ST6GALNAC3: variants seen among roughly 807,000 people sequenced by gnomAD.
The protein encoded by ST6GALNAC3 is alpha-N-acetylgalactosaminide alpha-2,6-sialyltransferase 3.
Under a neutral mutation model 32.7 loss-of-function variants are expected in ST6GALNAC3, and 25 were observed. The observed-to-expected ratio is 0.76, with a 90% CI of 0.56 to 1.07. The LOEUF (loss-of-function observed/expected upper bound fraction) is 1.07, where lower values mean the gene tolerates loss of function less well. Ranked by LOEUF, ST6GALNAC3 falls within the 50% of genes least tolerant of loss-of-function variation. The pLI is 0.00. For missense variants in ST6GALNAC3, 355 were observed against 382.4 expected, an observed-to-expected ratio of 0.93 and a Z score of 0.60; for synonymous variants, 129 against 133.1, an observed-to-expected ratio of 0.97 and a Z score of 0.21.
At chr1:76,226,384 A>G (rs1164362571) in intron 1 of ST6GALNAC3, among the ~76,000 whole-genome samples, 1 of 152,182 alleles carries the variant, frequency 6.6e-6, no homozygotes, top group African/African-American at 2.4e-5. Flanking sequence ...GTCTAGTTGG[A>G]GTAACCTGTT....
intron 1 of ST6GALNAC3, among the ~76,000 whole-genome samples, chr1:76,208,035 A>C (rs1654918767): frequency 1.5e-5 from 1 of 64,786 alleles, no homozygotes; most frequent in African/African-American, 4.4e-5. Context: ...GTTCCCACTC[A>C]AGAGTGCCCC....
At chr1:76,581,993 A>G (rs913963034) in intron 3 of ST6GALNAC3, among the ~76,000 whole-genome samples, 3 of 152,110 alleles carry the variant, frequency 2.0e-5, no homozygotes, top group African/African-American at 7.2e-5. Flanking sequence ...TTTTTAGTCA[A>G]TCTATGTTTT....
chr1:76,578,782 G>T (rs1178492911), intron 3 of ST6GALNAC3, among the ~76,000 whole-genome samples: 1 of 152,038 alleles, frequency 6.6e-6, no homozygotes, highest in Admixed American at 6.6e-5. Flanking sequence ...AATCTGATAC[G>T]TGTTTTTGTG....
intron 1 of ST6GALNAC3, among the ~76,000 whole-genome samples, chr1:76,281,753 G>T (rs564358562): frequency 6.6e-6 from 1 of 152,254 alleles, no homozygotes; most frequent in Non-Finnish European, 1.5e-5. Flanking sequence ...TTTGCTACTC[G>T]ATTATGCTGC....
At chr1:76,395,576 T>TAC (rs544437198) in intron 2 of ST6GALNAC3, among the ~76,000 whole-genome samples, 153 of 151,656 alleles carry the variant, frequency 1.0e-3, no homozygotes, top group African/African-American at 2.9e-3. Flanking sequence ...AAGAAAACGT[T>TAC]ACACACACAC....
At chr1:76,601,306 G>C (rs1411570195) in intron 3 of ST6GALNAC3, among the ~76,000 whole-genome samples, 1 of 152,092 alleles carries the variant, frequency 6.6e-6, no homozygotes, top group South Asian at 2.1e-4. Flanking sequence ...TTATTTTCTA[G>C]TATTTTTTGG....
At chr1:76,453,504 T>TAC in intron 3 of ST6GALNAC3, among the ~76,000 whole-genome samples, 1 of 152,270 alleles carries the variant, frequency 6.6e-6, no homozygotes, top group Admixed American at 6.5e-5. Context: ...TCAATGAATT[T>TAC]TTAAATTTCC....
rs1470914777 is a variant in ST6GALNAC3, at chr1:76,440,970, C to T, written c.623+28553C>T. Among the ~76,000 whole-genome samples, 4 of 151,712 alleles carry T rather than the reference C, an allele frequency of 2.6e-5. No individual in the cohort carries two copies. The East Asian group carries it at 7.8e-4, about 30-fold the overall frequency. On this transcript the variant is annotated intron_variant, in intron 3 of 4. Transcript: ENST00000328299. Reference sequence around the variant, plus strand: ...GGGCATGGTGGGGTGTGCCTGTAGTCCCAACCACTTGGGAGGCTGAAGCAG... The same window carrying T: ...GGGCATGGTGGGGTGTGCCTGTAGTTCCAACCACTTGGGAGGCTGAAGCAG...
chr1:76,111,122 G>A (rs1030032460), intron 1 of ST6GALNAC3, among the ~76,000 whole-genome samples: 2 of 152,172 alleles, frequency 1.3e-5, no homozygotes, highest in African/African-American at 4.8e-5. Context: ...TTAGTTTACT[G>A]TGTGTTTTGC....
At chr1:76,554,688 G>C (rs1168420447) in intron 3 of ST6GALNAC3, among the ~76,000 whole-genome samples, 1 of 152,108 alleles carries the variant, frequency 6.6e-6, no homozygotes, top group Non-Finnish European at 1.5e-5. Context: ...TTAGCTATCT[G>C]AGAAACTCTA....
intron 1 of ST6GALNAC3, among the ~76,000 whole-genome samples, chr1:76,261,306 A>G (rs1658220717): frequency 1.3e-5 from 2 of 152,162 alleles, no homozygotes; most frequent in African/African-American, 4.8e-5. Flanking sequence ...CTACTCAAGC[A>G]TTCCTTTATT....
chr1:76,166,168 A>G (rs1652111483), intron 1 of ST6GALNAC3, among the ~76,000 whole-genome samples: 1 of 152,000 alleles, frequency 6.6e-6, no homozygotes, highest in Admixed American at 6.6e-5. Context: ...ATTCATCTTG[A>G]GTTAATTTTT....
At chr1:76,075,874 C>A (rs1557592596) in intron 1 of ST6GALNAC3, among the ~76,000 whole-genome samples, 1 of 152,104 alleles carries the variant, frequency 6.6e-6, no homozygotes, top group Admixed American at 6.6e-5. Flanking sequence ...GGAAACAATT[C>A]GTTGTTGTTG....
intron 3 of ST6GALNAC3, among the ~76,000 whole-genome samples, chr1:76,619,625 C>G (rs1242288967): frequency 6.6e-6 from 1 of 152,020 alleles, no homozygotes; most frequent in African/African-American, 2.4e-5. Flanking sequence ...GAGAAAATAA[C>G]TATATGAAAC....
At chr1:76,250,976 T>C (rs1657575424) in intron 1 of ST6GALNAC3, among the ~76,000 whole-genome samples, 1 of 152,192 alleles carries the variant, frequency 6.6e-6, no homozygotes, top group African/African-American at 2.4e-5. Flanking sequence ...AATCTGCATT[T>C]GTAGCTTCGA....
intron 1 of ST6GALNAC3, among the ~76,000 whole-genome samples, chr1:76,184,423 C>T (rs1490654363): frequency 1.3e-5 from 2 of 151,954 alleles, no homozygotes; most frequent in Non-Finnish European, 2.9e-5. Context: ...TCTGTAGTCA[C>T]AGCCACTTGG....
chr1:76,471,432 T>G (rs907331291), intron 3 of ST6GALNAC3, among the ~76,000 whole-genome samples: 1 of 152,160 alleles, frequency 6.6e-6, no homozygotes, highest in Non-Finnish European at 1.5e-5. Flanking sequence ...ATCAGTGTTC[T>G]TGGTGCTCTT....
At chr1:76,415,637 T>C (rs951416865) in intron 3 of ST6GALNAC3, among the ~76,000 whole-genome samples, 2 of 152,122 alleles carry the variant, frequency 1.3e-5, no homozygotes, top group South Asian at 2.1e-4. Context: ...TAGTAGTCTT[T>C]GATAGCTTCT....
At chr1:76,203,518 T>C (rs922759435) in intron 1 of ST6GALNAC3, among the ~76,000 whole-genome samples, 2 of 44,850 alleles carry the variant, frequency 4.5e-5, no homozygotes, top group Non-Finnish European at 5.8e-5. Flanking sequence ...AAAAGGTGAC[T>C]TGTGTATTTT....
Sources: gnomAD v4.1 joint callset for allele counts (sites outside exome capture counted in the v4.1 genomes callset) on GRCh38, gnomAD v4.1.1 for gene constraint, MANE v1.5 for transcripts, NCBI Gene and HGNC (gene_info 2026-07-23, HGNC 2026-07-21) for gene names.